The following ERH variants were observed in gnomAD, a reference collection of about 807,000 sequenced individuals.
ERH encodes enhancer of rudimentary homolog.
Under a neutral mutation model 16.8 loss-of-function variants are expected in ERH, and 1 was observed. That is an observed-to-expected ratio of 0.06 (90% CI 0.02 to 0.28). The LOEUF is 0.28. Ranked by LOEUF, ERH falls within the 10% of genes least tolerant of loss-of-function variation. The pLI, the probability that ERH is intolerant of heterozygous loss-of-function variation, is 1.00. For synonymous variants in ERH, 43 were observed against 43.6 expected (o/e 0.99, Z 0.05); for missense variants, 42 against 127.5 (o/e 0.33, Z 3.23).
intron 2 of ERH, among the ~76,000 whole-genome samples, chr14:69,394,612 A>C (rs1026461333): frequency 1.3e-4 from 6 of 46,180 alleles, no homozygotes; most frequent in Admixed American, 3.4e-4. Context: ...ATACATAAAT[A>C]AACAAACAAA....
chr14:69,386,184 A>G (rs552899652), intron 3 of ERH, among the ~76,000 whole-genome samples: 2 of 152,344 alleles, frequency 1.3e-5, no homozygotes, highest in African/African-American at 4.8e-5. Flanking sequence ...GTGTTTTGGA[A>G]CTTTTGGGGA....
intron 2 of ERH, among the ~76,000 whole-genome samples, chr14:69,394,520 C>A (rs1462734587): frequency 6.6e-6 from 1 of 152,188 alleles, no homozygotes; most frequent in Non-Finnish European, 1.5e-5. Flanking sequence ...ATCACTTGAA[C>A]CTGGGGGGCG....
intron 1 of ERH, 30 bp downstream of exon 1, chr14:69,398,201 G>T: frequency 6.2e-7 from 1 of 1,613,946 alleles, no homozygotes; most frequent in Non-Finnish European, 8.5e-7. Flanking sequence ...CGGGGACTCG[G>T]ACTCGGGTAG....
At chr14:69,389,423 T>C (rs901945028) in intron 2 of ERH, among the ~76,000 whole-genome samples, 1 of 152,166 alleles carries the variant, frequency 6.6e-6, no homozygotes, top group African/African-American at 2.4e-5. Context: ...AACATTGTAC[T>C]AGAAGTTCTA....
chr14:69,382,669 C>CA (rs540572928), intron 3 of ERH, among the ~76,000 whole-genome samples: 6,342 of 139,354 alleles, frequency 0.046, 450 homozygotes, highest in African/African-American at 0.16. Context: ...CCGTCTCCAC[C>CA]AAAAAAAAAA....
At chr14:69,388,543 G>C (rs1465209170) in intron 2 of ERH, among the ~76,000 whole-genome samples, 2 of 152,024 alleles carry the variant, frequency 1.3e-5, no homozygotes, top group Non-Finnish European at 2.9e-5. Context: ...TGTATTTTTA[G>C]TAGAGACGGG....
chr14:69,392,346 G>A (rs61982365), intron 2 of ERH, among the ~76,000 whole-genome samples: 5,997 of 152,048 alleles, frequency 0.039, 156 homozygotes, highest in East Asian at 0.083. Context: ...TTTAGAAAAA[G>A]AGCTACCAAG....
chr14:69,381,437 T>A (rs2140227282), intron 3 of ERH, among the ~76,000 whole-genome samples: 2 of 152,308 alleles, frequency 1.3e-5, no homozygotes, highest in South Asian at 4.1e-4. Flanking sequence ...ATTTGCTTTT[T>A]AAAATAAATA....
intron 2 of ERH, among the ~76,000 whole-genome samples, chr14:69,389,533 T>C (rs981641192): frequency 6.6e-6 from 1 of 152,152 alleles, no homozygotes; most frequent in African/African-American, 2.4e-5. Flanking sequence ...CTTACAGATA[T>C]AAAATCCTAA....
chr14:69,392,323 A>G (rs1429701746), intron 2 of ERH, among the ~76,000 whole-genome samples: 1 of 152,172 alleles, frequency 6.6e-6, no homozygotes, highest in Non-Finnish European at 1.5e-5. Context: ...GAAATAAATC[A>G]CCACTTTTAA....
chr14:69,393,710 C>T (rs766957006), intron 2 of ERH, among the ~76,000 whole-genome samples: 23 of 152,126 alleles, frequency 1.5e-4, no homozygotes, highest in Admixed American at 2.6e-4. Flanking sequence ...CAATGTACAC[C>T]AGGTGATGGC....
intron 2 of ERH, among the ~76,000 whole-genome samples, chr14:69,392,272 ATAAT>A (rs1882235927): frequency 1.3e-5 from 2 of 151,404 alleles, no homozygotes; most frequent in Admixed American, 1.3e-4. Context: ...AACTTATTTA[ATAAT>A]TATTTTAACA....
chr14:69,398,218 A>G lies in ERH; in HGVS notation c.3+13T>C. The G allele has an allele frequency of 1.9e-6, 3 of 1,613,934 alleles. No individual in the cohort carries two copies. The South Asian group carries it at 3.3e-5, about 18-fold the overall frequency. ...GGGACTCGGACTCGGGTAGCCGCGG[A>G]GGCCTTTCTCACCATCGCGCCAAAC... On this transcript the variant is annotated intron_variant, in intron 1 of 3. Transcript: ENST00000557016.
At chr14:69,380,784 C>T in intron 3 of ERH, 144 bp from the exon 4 acceptor site, 1 of 583,104 alleles carries the variant, frequency 1.7e-6, no homozygotes, top group Non-Finnish European at 3.1e-6. Context: ...GAGCTACTTA[C>T]ACAGTCGTTG....
chr14:69,392,268 T>C (rs1882235730), intron 2 of ERH, among the ~76,000 whole-genome samples: 1 of 151,360 alleles, frequency 6.6e-6, no homozygotes, highest in Admixed American at 6.6e-5. Flanking sequence ...TGAGAACTTA[T>C]TTAATAATTA....
intron 1 of ERH, 42 bp from the exon 2 acceptor site, chr14:69,394,954 G>A (rs1486504400): frequency 7.4e-7 from 1 of 1,346,972 alleles, no homozygotes; most frequent in South Asian, 1.2e-5. Flanking sequence ...TTCTATTTGA[G>A]AAATTCATAG....
chr14:69,391,753 A>G (rs1346416746), intron 2 of ERH, among the ~76,000 whole-genome samples: 1 of 151,896 alleles, frequency 6.6e-6, no homozygotes, highest in East Asian at 1.9e-4. Flanking sequence ...ACATTCCAGA[A>G]AAGGCAAAAC....
At chr14:69,382,609 G>A (rs576093300) in intron 3 of ERH, among the ~76,000 whole-genome samples, 22 of 151,878 alleles carry the variant, frequency 1.4e-4, no homozygotes, top group African/African-American at 5.3e-4. Flanking sequence ...TGAGGCAGGC[G>A]GGCCACAATG....
At chr14:69,393,353 G>C (rs1882257760) in intron 2 of ERH, among the ~76,000 whole-genome samples, 3 of 151,976 alleles carry the variant, frequency 2.0e-5, no homozygotes, top group Admixed American at 6.6e-5. Context: ...GCACTCATAC[G>C]TTTACGGCAG....
Sources: allele counts gnomAD v4.1 joint callset (sites outside exome capture counted in the v4.1 genomes callset), GRCh38; gene constraint gnomAD v4.1.1; transcripts MANE v1.5; gene names NCBI Gene and HGNC (gene_info 2026-07-23, HGNC 2026-07-21).